The following RCBTB1 variants were observed in gnomAD, a reference collection of about 807,000 sequenced individuals.
The protein encoded by RCBTB1 is RCC1 and BTB domain-containing protein 1.
RCBTB1 carries 46 observed loss-of-function variants against 62.4 expected under a neutral mutation model. The ratio of observed to expected loss-of-function variants is 0.74; its 90% CI spans 0.58 to 0.94. The LOEUF (loss-of-function observed/expected upper bound fraction) is 0.94, where lower values mean the gene tolerates loss of function less well. Ranked by LOEUF, RCBTB1 falls within the 40% of genes least tolerant of loss-of-function variation. The pLI is 0.00. For missense variants in RCBTB1, 565 were observed against 654.9 expected (o/e 0.86, Z 1.50); for synonymous variants, 222 against 245.8 (o/e 0.90, Z 0.91).
intron 12 of RCBTB1, 111 bp from the exon 13 acceptor site, chr13:49,534,373 TATTTG>T (rs1256335459): frequency 8.8e-7 from 1 of 1,138,008 alleles, no homozygotes; most frequent in Non-Finnish European, 1.2e-6. Flanking sequence ...CCAGAAAAGA[TATTTG>T]AGAGGCCAGA....
intron 2 of RCBTB1, among the ~76,000 whole-genome samples, chr13:49,578,492 T>C (rs1963917322): frequency 6.6e-6 from 1 of 152,198 alleles, no homozygotes; most frequent in Non-Finnish European, 1.5e-5. Context: ...AATACAATCA[T>C]GGTCTCTGCC....
chr13:49,551,185 G>A (rs986734209), intron 8 of RCBTB1, 141 bp downstream of exon 8: 10 of 906,702 alleles, frequency 1.1e-5, no homozygotes, highest in Admixed American at 2.7e-5. Flanking sequence ...GGGGAAGGGA[G>A]AAGGGAAGGT....
Position 49,573,740 on chromosome 13 carries a change from G to A in RCBTB1, c.-41-6420C>T, listed in dbSNP as rs549978087. ...GCTGGGATTACAGGCGTGAGCCACC[G>A]CACCTGGCCTTCTTTGTATTTTTAA... On this transcript the variant is annotated intron_variant, in intron 2 of 12. Coordinates refer to ENST00000378302, the MANE Select transcript of RCBTB1 (RefSeq NM_018191.4). Among the ~76,000 whole-genome samples, 563 of 123,946 alleles carry A rather than the reference G, an allele frequency of 4.5e-3. No individual in the cohort carries two copies. In the Middle Eastern group the frequency reaches 0.075, roughly 17 times the overall value. 81.3% of individuals were successfully genotyped at this position (123,946 alleles called of 152,430 possible).
chr13:49,577,511 G>C (rs1453157101), intron 2 of RCBTB1, among the ~76,000 whole-genome samples: 2 of 102,972 alleles, frequency 1.9e-5, no homozygotes, highest in African/African-American at 8.0e-5. Flanking sequence ...GAATGTATTT[G>C]TTTGGGCTAG....
At chr13:49,584,508 C>T (rs1396005193) in intron 1 of RCBTB1, among the ~76,000 whole-genome samples, 1 of 152,158 alleles carries the variant, frequency 6.6e-6, no homozygotes, top group Non-Finnish European at 1.5e-5. Context: ...AATGAGTACT[C>T]TAAAGTTTAA....
rs1594242100 is a variant in RCBTB1 at position 49,536,757 on chromosome 13, C to T, written c.1456-2495G>A. Among the ~76,000 whole-genome samples the T allele has an allele frequency of 2.6e-5, 4 of 152,276 alleles. No individual in the cohort carries two copies. In the East Asian group the frequency reaches 7.7e-4, roughly 29 times the overall value. On this transcript the variant is annotated intron_variant, in intron 12 of 12. Transcript: ENST00000378302. The stretch of plus-strand genomic sequence containing the variant: ...AGTCTTCTTGGTATTAGAAACTAAA[C>T]TCTGTTTATGACGTTATGTGGCAGA...
intron 11 of RCBTB1, among the ~76,000 whole-genome samples, chr13:49,541,437 T>TA (rs5803469): frequency 3.5e-4 from 50 of 141,248 alleles, no homozygotes; most frequent in South Asian, 6.7e-4. Context: ...AAAAATAAAT[T>TA]AAAAAAAAAA....
At position 49,533,426 on chromosome 13, in the gene RCBTB1, C is replaced by A. The variant is rs574259534; in HGVS notation, c.*696G>T. 2.1e-4 allele frequency: 32 copies of A among 152,102 alleles called. No homozygotes were observed. The highest frequency in any genetic ancestry group is 7.2e-4 in the African/African-American group (30 of 41,426). The allele number at this position is 152,102 out of a possible 1,614,324, so 9.4% of individuals were successfully genotyped here. A position where few individuals can be genotyped will look rare whatever the true frequency, so the allele number is the denominator to read the frequency against. On this transcript the variant is annotated 3_prime_UTR_variant, in exon 13 of 13. Coordinates refer to ENST00000378302, the MANE Select transcript of RCBTB1 (RefSeq NM_018191.4). ...AATTTCTTTCATTATCAACTTTTCA[C>A]GGATACTTCTAAATTACTATTCTTT...
At position 49,533,964 on chromosome 13, in the gene RCBTB1, C is replaced by G; in HGVS notation, c.*158G>C. 2 of 661,186 alleles carry G rather than the reference C, an allele frequency of 3.0e-6. No homozygotes were observed. The highest frequency in any genetic ancestry group is 2.4e-5 in the South Asian group (1 of 42,460). The allele number at this position is 661,186 out of a possible 1,614,324, so 41.0% of individuals were successfully genotyped here. On this transcript the variant is annotated 3_prime_UTR_variant, in exon 13 of 13. Coordinates refer to ENST00000378302, the MANE Select transcript of RCBTB1 (RefSeq NM_018191.4). ...AATGGGCTCAAGAAAAGCCGTACACCCTTGTTATGTTCCTACACAAACAAC... is the reference window on the plus strand; with the variant it reads ...AATGGGCTCAAGAAAAGCCGTACACGCTTGTTATGTTCCTACACAAACAAC...
chr13:49,565,365 C>T (rs1292557757), intron 4 of RCBTB1, among the ~76,000 whole-genome samples: 3 of 152,100 alleles, frequency 2.0e-5, no homozygotes, highest in Non-Finnish European at 2.9e-5. Flanking sequence ...CGGCTAGCTA[C>T]GACCTCCACC....
Position 49,582,663 on chromosome 13 carries a change from G to A in RCBTB1, c.-121-2079C>T, listed in dbSNP as rs1012613509. On this transcript the variant is annotated intron_variant, in intron 1 of 12. Transcript: ENST00000378302. ...TCTCTCATTCTCATTCTCTCTCCCC[G>A]CTGAGTCTCCATTTTACATGCCCAC... is the stretch of plus-strand genomic sequence containing the variant. 5.9e-5 allele frequency among the ~76,000 whole-genome samples: 9 copies of A among 152,226 alleles called. 1 individual carries two copies. Among genetic ancestry groups the A allele is most frequent in the Admixed American group, 1.3e-4 (2 of 15,294 alleles).
chr13:49,538,589 C>T (rs933233095), intron 12 of RCBTB1, among the ~76,000 whole-genome samples: 7 of 152,088 alleles, frequency 4.6e-5, no homozygotes, highest in Non-Finnish European at 1.0e-4. Context: ...TGGTGGCACA[C>T]ATCCGTAGTC....
intron 8 of RCBTB1, chr13:49,551,073 A>G (rs1024916896): frequency 4.8e-6 from 2 of 413,086 alleles, no homozygotes; most frequent in African/African-American, 4.5e-5. Context: ...ATTGCACTCC[A>G]GTCTGGGTGA....
At chr13:49,577,612 A>G (rs1963862055) in intron 2 of RCBTB1, among the ~76,000 whole-genome samples, 1 of 152,192 alleles carries the variant, frequency 6.6e-6, no homozygotes, top group Admixed American at 6.5e-5. Context: ...GAGCTAAGGA[A>G]AAGAGTGGGA....
At chr13:49,545,289 C>G (rs569211113) in intron 9 of RCBTB1, among the ~76,000 whole-genome samples, 12 of 152,070 alleles carry the variant, frequency 7.9e-5, no homozygotes, top group Non-Finnish European at 1.8e-4. Context: ...ATACCCAACT[C>G]AAGGAGGTGC....
In RCBTB1 at chr13:49,546,073, G is replaced by A. The variant is rs729051; in HGVS notation, c.1046-1210C>T. The stretch of plus-strand genomic sequence containing the variant: ...CCTGACCTTGCAACCTGGATCACTG[G>A]TGGGTAAAAGAATACAAATGACTAA... On this transcript the variant is annotated intron_variant, in intron 9 of 12. Transcript: ENST00000378302. 7,416 of 984,942 alleles carry A rather than the reference G, an allele frequency of 7.5e-3. 34 individuals are homozygous for A. Among genetic ancestry groups the A allele is most frequent in the Middle Eastern group, 0.011 (22 of 1,914 alleles). The allele number at this position is 984,942 out of a possible 1,614,324, so 61.0% of individuals were successfully genotyped here.
intron 10 of RCBTB1, among the ~76,000 whole-genome samples, chr13:49,543,487 C>T (rs1378100989): frequency 1.3e-5 from 2 of 152,278 alleles, no homozygotes; most frequent in Non-Finnish European, 2.9e-5. Context: ...GATATTTACT[C>T]CCTTAGGTAA....
At chr13:49,546,910 T>C (rs1038592023) in intron 9 of RCBTB1, 2 of 982,812 alleles carry the variant, frequency 2.0e-6, no homozygotes, top group Non-Finnish European at 2.4e-6. Context: ...TGGGGACCCC[T>C]GATCTAGGAG....
chr13:49,557,996 C>A (rs999364607), intron 5 of RCBTB1, among the ~76,000 whole-genome samples: 3 of 152,138 alleles, frequency 2.0e-5, no homozygotes, highest in African/African-American at 7.2e-5. Flanking sequence ...AATAGACAAA[C>A]AAAGTGTGGC....
Sources: gnomAD v4.1 joint callset for allele counts (sites outside exome capture counted in the v4.1 genomes callset) on GRCh38, gnomAD v4.1.1 for gene constraint, MANE v1.5 for transcripts, NCBI Gene and HGNC (gene_info 2026-07-23, HGNC 2026-07-21) for gene names.